The following DCC variants were observed in gnomAD, a reference collection of about 807,000 sequenced individuals.
DCC encodes the protein netrin receptor DCC.
A neutral mutation model predicts 172.5 loss-of-function variants in DCC; 58 were observed. The observed-to-expected ratio is 0.34, with a 90% CI of 0.27 to 0.42. The LOEUF (loss-of-function observed/expected upper bound fraction) is 0.42. Ranked by LOEUF, DCC falls within the 10% of genes least tolerant of loss-of-function variation. DCC has a pLI of 1.00. For missense variants in DCC, 1,740 were observed against 1,791.0 expected (o/e 0.97, Z 0.51); for synonymous variants, 709 against 644.5 (o/e 1.10, Z -1.52).
At chr18:52,947,832 A>C (rs1451779748) in intron 5 of DCC, among the ~76,000 whole-genome samples, 1 of 152,144 alleles carries the variant, frequency 6.6e-6, no homozygotes, top group Non-Finnish European at 1.5e-5. Context: ...CACGTTCAAG[A>C]ATCTTAAATG....
intron 27 of DCC, among the ~76,000 whole-genome samples, chr18:53,505,819 G>A (rs2046167164): frequency 6.6e-6 from 1 of 152,176 alleles, no homozygotes; most frequent in South Asian, 2.1e-4. Flanking sequence ...GTGAAGGAAA[G>A]GTGGGCAGTA....
chr18:53,266,771 C>CA (rs1239710909), intron 12 of DCC, among the ~76,000 whole-genome samples: 13 of 151,778 alleles, frequency 8.6e-5, no homozygotes, highest in South Asian at 4.2e-4. Context: ...TAAATGAAAT[C>CA]ATACTAGATG....
intron 12 of DCC, among the ~76,000 whole-genome samples, chr18:53,256,692 C>T (rs911494692): frequency 2.4e-4 from 37 of 152,104 alleles, no homozygotes; most frequent in Non-Finnish European, 4.6e-4. Flanking sequence ...CTTGGCAATG[C>T]GGACTCTTTT....
intron 1 of DCC, among the ~76,000 whole-genome samples, chr18:52,737,918 C>T (rs146634946): frequency 9.3e-4 from 141 of 152,230 alleles, no homozygotes; most frequent in African/African-American, 2.1e-3. Context: ...TGATGCCCCT[C>T]GCTGTCAATC....
intron 22 of DCC, among the ~76,000 whole-genome samples, chr18:53,449,795 C>T (rs564944596): frequency 1.2e-4 from 19 of 152,194 alleles, no homozygotes; most frequent in South Asian, 1.0e-3. Flanking sequence ...TACAATTCAG[C>T]GGTGTTCAGT....
chr18:52,969,669 C>G (rs2040997952), intron 5 of DCC, among the ~76,000 whole-genome samples: 1 of 150,670 alleles, frequency 6.6e-6, no homozygotes, highest in Non-Finnish European at 1.5e-5. Flanking sequence ...TCAGTCCTCT[C>G]CAACATTCTA....
intron 2 of DCC, among the ~76,000 whole-genome samples, chr18:52,776,330 T>A (rs1348520202): frequency 2.0e-5 from 3 of 152,060 alleles, no homozygotes; most frequent in Non-Finnish European, 4.4e-5. Flanking sequence ...TTTATTATAT[T>A]TATAACTTAT....
At chr18:53,095,382 C>A (rs746130096) in intron 7 of DCC, among the ~76,000 whole-genome samples, 9 of 152,166 alleles carry the variant, frequency 5.9e-5, no homozygotes, top group Non-Finnish European at 1.0e-4. Context: ...AGGGAAAAAT[C>A]TTTCAAATAG....
intron 1 of DCC, among the ~76,000 whole-genome samples, chr18:52,360,385 C>G (rs1311195440): frequency 6.6e-6 from 1 of 152,224 alleles, no homozygotes; most frequent in Admixed American, 6.5e-5. Context: ...CCTTAACAAG[C>G]CAACTTAACT....
chr18:52,761,945 G>GA (rs904169140), intron 2 of DCC, among the ~76,000 whole-genome samples: 16 of 149,648 alleles, frequency 1.1e-4, no homozygotes, highest in Middle Eastern at 3.5e-3. Flanking sequence ...AAAGAAGAAG[G>GA]AAAAAAAAGA....
intron 1 of DCC, among the ~76,000 whole-genome samples, chr18:52,358,447 G>A (rs555104981): frequency 6.6e-6 from 1 of 152,170 alleles, no homozygotes; most frequent in East Asian, 1.9e-4. Context: ...TTCTTCATCT[G>A]TAAAGCAGGA....
chr18:52,811,880 A>G (rs933724011), intron 2 of DCC, among the ~76,000 whole-genome samples: 1 of 152,200 alleles, frequency 6.6e-6, no homozygotes, highest in South Asian at 2.1e-4. Context: ...AAAGAATGAA[A>G]TCCAGCCCAA....
chr18:53,516,913 G>A lies in DCC; in HGVS notation c.4112-9704G>A, dbSNP rs62098328. Reference sequence around the variant, plus strand: ...GGCGATTCCTCAGGGATCTAGAACTGGAAATACCATTTGACCCAGCCATCC... The same window carrying A: ...GGCGATTCCTCAGGGATCTAGAACTAGAAATACCATTTGACCCAGCCATCC... On this transcript the variant is annotated intron_variant, in intron 27 of 28. Transcript: ENST00000442544. Among the ~76,000 whole-genome samples the A allele has an allele frequency of 6.8e-3, 966 of 142,580 alleles. 7 individuals carry two copies. Among genetic ancestry groups the A allele is most frequent in the African/African-American group, 0.026 (907 of 34,432 alleles). 93.5% of individuals were successfully genotyped at this position (142,580 alleles called of 152,430 possible). A position where few individuals can be genotyped will look rare whatever the true frequency, so the allele number is the denominator to read the frequency against.
chr18:52,565,916 C>T (rs1339609295), intron 1 of DCC, among the ~76,000 whole-genome samples: 1 of 152,106 alleles, frequency 6.6e-6, no homozygotes, highest in Non-Finnish European at 1.5e-5. Flanking sequence ...TTTGCCCATG[C>T]CTATGTCCTC....
chr18:52,819,440 T>G (rs1420917974), intron 2 of DCC, among the ~76,000 whole-genome samples: 3 of 152,212 alleles, frequency 2.0e-5, no homozygotes, highest in African/African-American at 4.8e-5. Flanking sequence ...TAGCTGAAAA[T>G]TATATATCTG....
At chr18:52,379,677 A>T (rs894242499) in intron 1 of DCC, among the ~76,000 whole-genome samples, 1 of 151,934 alleles carries the variant, frequency 6.6e-6, no homozygotes, top group Non-Finnish European at 1.5e-5. Flanking sequence ...ATGAGCACTT[A>T]ACCAAAAGTT....
intron 5 of DCC, among the ~76,000 whole-genome samples, chr18:53,010,595 T>C (rs2041714023): frequency 6.6e-6 from 1 of 151,114 alleles, no homozygotes; most frequent in Non-Finnish European, 1.5e-5. Context: ...ATATTCAAAT[T>C]AATATATTTA....
chr18:52,502,540 A>T, intron 1 of DCC, among the ~76,000 whole-genome samples: 1 of 152,170 alleles, frequency 6.6e-6, no homozygotes, highest in Non-Finnish European at 1.5e-5. Flanking sequence ...TGTTATAATG[A>T]TAAGATATAC....
chr18:52,569,735 G>T (rs2033248777), intron 1 of DCC, among the ~76,000 whole-genome samples: 2 of 152,080 alleles, frequency 1.3e-5, no homozygotes, highest in Admixed American at 1.3e-4. Flanking sequence ...AGTAAGGTGG[G>T]GTGGAGTTGG....
Sources: allele counts gnomAD v4.1 joint callset (sites outside exome capture counted in the v4.1 genomes callset), GRCh38; gene constraint gnomAD v4.1.1; transcripts MANE v1.5; gene names NCBI Gene and HGNC (gene_info 2026-07-23, HGNC 2026-07-21).